SLC35A3: variants seen among roughly 807,000 people sequenced by gnomAD.
The protein encoded by SLC35A3 is UDP-N-acetylglucosamine transporter.
Under a neutral mutation model 39.0 loss-of-function variants are expected in SLC35A3, and 26 were observed. The ratio of observed to expected loss-of-function variants is 0.67; its 90% CI spans 0.49 to 0.92. The LOEUF (loss-of-function observed/expected upper bound fraction) is 0.92. Among genes scored for constraint, SLC35A3 ranks in the 40% least tolerant of loss-of-function variants. The probability of loss-of-function intolerance (pLI) is 0.00; values close to 1 mark genes in which losing one functional copy is unlikely to be tolerated. For missense variants in SLC35A3, 299 were observed against 371.6 expected (o/e 0.80, Z 1.61); for synonymous variants, 135 against 133.1 (o/e 1.01, Z -0.10).
intron 3 of SLC35A3, among the ~76,000 whole-genome samples, chr1:100,004,375 G>T (rs1035229199): frequency 6.6e-6 from 1 of 152,184 alleles, no homozygotes; most frequent in Admixed American, 6.5e-5. Context: ...CACAGTCTTG[G>T]TTCACTGCAA....
intron 3 of SLC35A3, among the ~76,000 whole-genome samples, chr1:100,003,416 C>CAAAA (rs34020224): frequency 1.4e-4 from 8 of 57,176 alleles, no homozygotes; most frequent in Non-Finnish European, 1.7e-4. Context: ...AACTCCATCT[C>CAAAA]AAAAAAAAAA....
Position 100,011,440 on chromosome 1 carries a change from A to G in SLC35A3, c.541A>G (p.Thr181Ala). ...ATTTGTAGGACTCATGGCAGTTCTC[A>G]CAGCATGTTTTTCAAGTGGCTTTGC... is the stretch of plus-strand genomic sequence containing the variant. ...SQFVGLMAVL[T>A]ACFSSGFAGV... The change falls in exon 5 of 8, where the codon ACA (threonine) becomes GCA (alanine). Residue 181 changes from threonine (T) to alanine (A), a missense_variant. By Grantham distance (58) the Thr-to-Ala change is moderately conservative. Coordinates refer to ENST00000533028, the MANE Select transcript of SLC35A3 (RefSeq NM_012243.3). 1 of 1,586,046 alleles carries G rather than the reference A, an allele frequency of 6.3e-7. No individual in the cohort carries two copies. Among genetic ancestry groups the G allele is most frequent in the African/African-American group, 1.3e-5 (1 of 74,442 alleles).
At position 100,018,596 on chromosome 1, in the gene SLC35A3, C is replaced by T. The variant is rs145955848; in HGVS notation, c.887+781C>T. Among the ~76,000 whole-genome samples, 246 of 152,154 alleles carry T rather than the reference C, an allele frequency of 1.6e-3. 8 individuals are homozygous for T. In the East Asian group the frequency reaches 0.037, roughly 23 times the overall value. ...CCAGGTTGCAGTGCAGTGGCGTGAT[C>T]GTAGCCCACTGCAGCTTCAAACTCC... On this transcript the variant is annotated intron_variant, in intron 7 of 7. Transcript: ENST00000533028.
rs915774120 is a variant in SLC35A3, at chr1:99,984,488, A to G, written c.-18-9049A>G. 9.2e-5 allele frequency among the ~76,000 whole-genome samples: 14 copies of G among 152,220 alleles called. 1 individual carries two copies. The highest frequency in any genetic ancestry group is 2.0e-4 in the Admixed American group (3 of 15,284). ...TACCACAATTTATTTGTTGATTAAT[A>G]GACATTTGGACTGGTTCCATATTTT... On this transcript the variant is annotated intron_variant, in intron 1 of 7. Transcript: ENST00000533028.
At position 100,025,400 on chromosome 1, in the gene SLC35A3, G is replaced by C. The variant is rs1411288689; in HGVS notation, c.*2924G>C. ...AGATATTAGACATGTTAGTTACAATGGTAACACATTTTTAGGTGTCGAAAC... is the reference window on the plus strand; with the variant it reads ...AGATATTAGACATGTTAGTTACAATCGTAACACATTTTTAGGTGTCGAAAC... On this transcript the variant is annotated 3_prime_UTR_variant, in exon 8 of 8. Transcript: ENST00000533028. 6.6e-6 allele frequency: 1 copy of C among 152,026 alleles called. No individual in the cohort carries two copies. The highest frequency in any genetic ancestry group is 1.5e-5 in the Non-Finnish European group (1 of 67,986). The allele number at this position is 152,026 out of a possible 1,614,324, so 9.4% of individuals were successfully genotyped here.
intron 3 of SLC35A3, 54 bp downstream of exon 3, chr1:99,999,469 TAATTG>T: frequency 8.7e-7 from 1 of 1,145,498 alleles, no homozygotes; most frequent in Non-Finnish European, 1.2e-6. Context: ...TTATACATAA[TAATTG>T]TATATATTTA....
intron 1 of SLC35A3, chr1:99,970,447 G>A: frequency 2.4e-6 from 2 of 821,552 alleles, no homozygotes; most frequent in Non-Finnish European, 1.9e-6. Flanking sequence ...AGCGAATGAA[G>A]ACGGCAGTGT....
chr1:99,995,100 T>A (rs1475853248), intron 2 of SLC35A3, among the ~76,000 whole-genome samples: 1 of 146,314 alleles, frequency 6.8e-6, no homozygotes, highest in Non-Finnish European at 1.5e-5. Flanking sequence ...TGGCTTTTTG[T>A]GTATTTTCTT....
In SLC35A3 at chr1:100,014,558, T is replaced by G. The variant is rs553675048; in HGVS notation, c.635-744T>G. ...TAATAGGGAAAAATATTGTACCCCC[T>G]GCCTCAGCTTTTATATTTGTATGTA... On this transcript the variant is annotated intron_variant, in intron 5 of 7. Coordinates refer to ENST00000533028, the MANE Select transcript of SLC35A3 (RefSeq NM_012243.3). 3.9e-5 allele frequency among the ~76,000 whole-genome samples: 6 copies of G among 152,294 alleles called. No individual in the cohort carries two copies. The East Asian group carries it at 1.2e-3, about 29-fold the overall frequency.
In SLC35A3 at chr1:100,026,726, CTT is replaced by C. The variant is rs1660932794; in HGVS notation, c.*4254_*4255del. The C allele has an allele frequency of 6.6e-6, 1 of 152,358 alleles. No individual in the cohort carries two copies. Among genetic ancestry groups the C allele is most frequent in the Admixed American group, 6.5e-5 (1 of 15,272 alleles). The allele number at this position is 152,358 out of a possible 1,614,324, so 9.4% of individuals were successfully genotyped here. ...TTGTAATTACAAAATAATTTAAAAACTTTTTAAAATAATTTGGATCCTGACTT... is the reference window on the plus strand; with the variant it reads ...TTGTAATTACAAAATAATTTAAAAACTTTAAAATAATTTGGATCCTGACTT... On this transcript the variant is annotated 3_prime_UTR_variant, in exon 8 of 8. Coordinates refer to ENST00000533028, the MANE Select transcript of SLC35A3 (RefSeq NM_012243.3).
chr1:99,983,085 T>A (rs1237873126), intron 1 of SLC35A3, among the ~76,000 whole-genome samples: 3 of 152,280 alleles, frequency 2.0e-5, no homozygotes, highest in South Asian at 2.1e-4. Flanking sequence ...ATTATTATAT[T>A]TTACTATATA....
intron 7 of SLC35A3, among the ~76,000 whole-genome samples, chr1:100,019,696 T>C (rs926354868): frequency 1.3e-5 from 2 of 152,146 alleles, no homozygotes; most frequent in Non-Finnish European, 1.5e-5. Flanking sequence ...CATTTCTGAT[T>C]GTCCCTTTGG....
chr1:100,015,573 G>T, intron 6 of SLC35A3, 153 bp downstream of exon 6: 1 of 770,648 alleles, frequency 1.3e-6, no homozygotes, highest in Non-Finnish European at 1.8e-6. Flanking sequence ...AAATAGAAGT[G>T]ATCTTAATGC....
intron 3 of SLC35A3, among the ~76,000 whole-genome samples, chr1:100,004,012 G>A (rs930032175): frequency 3.3e-5 from 5 of 152,132 alleles, no homozygotes; most frequent in Non-Finnish European, 7.4e-5. Flanking sequence ...CTTTACAGGT[G>A]AACTGCATTT....
At chr1:100,000,721 A>AAT (rs1658717133) in intron 3 of SLC35A3, 1 of 152,144 alleles carries the variant, frequency 6.6e-6, no homozygotes. Context: ...CAATTTTAGT[A>AAT]TGTTTGCTGC....
chr1:99,990,965 G>A (rs1370260741), intron 1 of SLC35A3, among the ~76,000 whole-genome samples: 2 of 152,164 alleles, frequency 1.3e-5, no homozygotes, highest in Non-Finnish European at 2.9e-5. Context: ...ACCCAACGAT[G>A]CCAGCACTCT....
At chr1:99,979,071 A>G (rs1438986935) in intron 1 of SLC35A3, 1 of 152,242 alleles carries the variant, frequency 6.6e-6, no homozygotes, top group Non-Finnish European at 1.5e-5. Flanking sequence ...AGAATTGGAA[A>G]CATTACATTT....
In SLC35A3 at chr1:100,027,684, T is replaced by C. The variant is rs1243956707; in HGVS notation, c.*5208T>C. 1 of 152,300 alleles carries C rather than the reference T, an allele frequency of 6.6e-6. No homozygotes were observed. Among genetic ancestry groups the C allele is most frequent in the Non-Finnish European group, 1.5e-5 (1 of 68,102 alleles). The allele number at this position is 152,300 out of a possible 1,614,324, so 9.4% of individuals were successfully genotyped here. On this transcript the variant is annotated 3_prime_UTR_variant, in exon 8 of 8. Coordinates refer to ENST00000533028, the MANE Select transcript of SLC35A3 (RefSeq NM_012243.3). ...TTGAATGCATGGAGATCAATTGTGA[T>C]AATATACAGGATTTTAGTCCTATCT... is the stretch of plus-strand genomic sequence containing the variant.
rs1659960562 is a variant in SLC35A3, at chr1:100,014,976, G to T, written c.635-326G>T. ...GATCGAGACTAGCCTGGCTAACACAGTGAAACCCCGTCTCTACTAAAAATA... is the reference window on the plus strand; with the variant it reads ...GATCGAGACTAGCCTGGCTAACACATTGAAACCCCGTCTCTACTAAAAATA... On this transcript the variant is annotated intron_variant, in intron 5 of 7. Coordinates refer to ENST00000533028, the MANE Select transcript of SLC35A3 (RefSeq NM_012243.3). Among the ~76,000 whole-genome samples the T allele has an allele frequency of 2.0e-5, 3 of 152,056 alleles. No individual in the cohort carries two copies. In the South Asian group the frequency reaches 6.2e-4, roughly 32 times the overall value.
Sources: gnomAD v4.1 joint callset for allele counts (sites outside exome capture counted in the v4.1 genomes callset) on GRCh38, gnomAD v4.1.1 for gene constraint, MANE v1.5 for transcripts, NCBI Gene and HGNC (gene_info 2026-07-23, HGNC 2026-07-21) for gene names.